Variants in ANKS4B observed in about 807,000 individuals in gnomAD.
ANKS4B encodes ankyrin repeat and sterile alpha motif domain containing 4B.
Under a neutral mutation model 20.2 loss-of-function variants are expected in ANKS4B, and 21 were observed. The ratio of observed to expected loss-of-function variants is 1.04; its 90% CI spans 0.74 to 1.50. The LOEUF is 1.50. Among genes scored for constraint, ANKS4B ranks in the 40% most tolerant of loss-of-function variants. ANKS4B has a pLI of 0.00. For synonymous variants in ANKS4B, 179 were observed against 194.5 expected, an observed-to-expected ratio of 0.92 and a Z score of 0.66; for missense variants, 473 against 494.6, an observed-to-expected ratio of 0.96 and a Z score of 0.41.
Position 21,250,024 on chromosome 16 carries a change from T to C in ANKS4B, c.458T>C (p.Leu153Pro), listed in dbSNP as rs202125429. 103 of 1,613,938 alleles carry C rather than the reference T, an allele frequency of 6.4e-5. No individual in the cohort carries two copies. Among genetic ancestry groups the C allele is most frequent in the Middle Eastern group, 3.3e-4 (2 of 6,084 alleles). The part of the protein sequence containing the change: ...ARRQIKECER[L>P]QEKHQNKMAH... The stretch of plus-strand genomic sequence containing the variant: ...AGGCAGATCAAAGAGTGTGAGAGGC[T>C]CCAGGAGAAGCACCAAAATAAGATG... Residue 153 changes from leucine (L) to proline (P), a missense_variant, in exon 2 of 2, where the codon CTC becomes CCC. Transcript: ENST00000311620.
At chr16:21,242,859 A>C (rs1001550812) in intron 1 of ANKS4B, among the ~76,000 whole-genome samples, 3 of 152,222 alleles carry the variant, frequency 2.0e-5, no homozygotes, top group Non-Finnish European at 4.4e-5. Flanking sequence ...AGAATTGTAG[A>C]TTCAAAAGAG....
At chr16:21,243,126 A>C (rs147270857) in intron 1 of ANKS4B, among the ~76,000 whole-genome samples, 1 of 152,360 alleles carries the variant, frequency 6.6e-6, no homozygotes, top group African/African-American at 2.4e-5. Context: ...ACAAAAAATC[A>C]ACTTCAGGAG....
chr16:21,247,973 GT>G (rs769256509), intron 1 of ANKS4B, among the ~76,000 whole-genome samples: 1 of 152,138 alleles, frequency 6.6e-6, no homozygotes, highest in Non-Finnish European at 1.5e-5. Context: ...AATGAATAAT[GT>G]TTGTAACAGA....
At chr16:21,242,875 C>T (rs2093328059) in intron 1 of ANKS4B, among the ~76,000 whole-genome samples, 1 of 152,188 alleles carries the variant, frequency 6.6e-6, no homozygotes, top group South Asian at 2.1e-4. Context: ...AAGAGTGCCT[C>T]ATTTTAAAGG....
intron 1 of ANKS4B, among the ~76,000 whole-genome samples, chr16:21,237,077 G>C (rs2093321050): frequency 6.6e-6 from 1 of 152,098 alleles, no homozygotes; most frequent in Non-Finnish European, 1.5e-5. Flanking sequence ...CTGGAGTGCA[G>C]TAGCGTGATC....
chr16:21,242,044 ATAAC>A (rs1269961110), intron 1 of ANKS4B, among the ~76,000 whole-genome samples: 1 of 152,182 alleles, frequency 6.6e-6, no homozygotes, highest in South Asian at 2.1e-4. Flanking sequence ...TAAAAAATAA[ATAAC>A]TAATTTTTAA....
At chr16:21,234,754 G>A (rs1367982749) in intron 1 of ANKS4B, among the ~76,000 whole-genome samples, 1 of 152,086 alleles carries the variant, frequency 6.6e-6, no homozygotes, top group East Asian at 1.9e-4. Flanking sequence ...GCTAGCCACT[G>A]GGCACACTGT....
intron 1 of ANKS4B, 52 bp downstream of exon 1, chr16:21,233,953 T>G (rs1567224143): frequency 6.5e-7 from 1 of 1,533,992 alleles, no homozygotes; most frequent in East Asian, 2.3e-5. Context: ...GGTAGGTTTT[T>G]GCAGACAGCA....
In ANKS4B at chr16:21,233,858, T is replaced by G; in HGVS notation, c.121T>G (p.Tyr41Asp). 6.2e-7 allele frequency: 1 copy of G among 1,613,676 alleles called. No homozygotes were observed. ...CATGACTCCTACTCTCTTGGCAGCC[T>G]ACCATGGGAACTTGGAAGCCCTAGA... ...DGMTPTLLAA[Y>D]HGNLEALEII... The change falls in exon 1 of 2, where the codon TAC becomes GAC. Residue 41 changes from tyrosine (Y) to aspartate (D), a missense_variant. By Grantham distance (160) the Tyr-to-Asp change is radical (BLOSUM62 -3). Coordinates refer to ENST00000311620, the MANE Select transcript of ANKS4B (RefSeq NM_145865.3).
intron 1 of ANKS4B, among the ~76,000 whole-genome samples, chr16:21,242,993 C>T (rs540944362): frequency 2.6e-5 from 4 of 152,136 alleles, no homozygotes; most frequent in African/African-American, 4.8e-5. Context: ...TCTTTTTAAT[C>T]GTTGCCTATC....
At position 21,250,983 on chromosome 16, in the gene ANKS4B, C is replaced by A; in HGVS notation, c.*163C>A. On this transcript the variant is annotated 3_prime_UTR_variant, in exon 2 of 2. Coordinates refer to ENST00000311620, the MANE Select transcript of ANKS4B (RefSeq NM_145865.3). ...CCCAAACTTTACTCTGGGAGGTAGGCTATGCCCATCCAAATAAATCTCCAT... is the reference window on the plus strand; with the variant it reads ...CCCAAACTTTACTCTGGGAGGTAGGATATGCCCATCCAAATAAATCTCCAT... 1 of 903,456 alleles carries A rather than the reference C, an allele frequency of 1.1e-6. No homozygotes were observed. The highest frequency in any genetic ancestry group is 1.6e-6 in the Non-Finnish European group (1 of 627,466). The allele number at this position is 903,456 out of a possible 1,614,324, so 56.0% of individuals were successfully genotyped here. A position where few individuals can be genotyped will look rare whatever the true frequency, so the allele number is the denominator to read the frequency against.
chr16:21,241,118 G>A (rs1315956460), intron 1 of ANKS4B, among the ~76,000 whole-genome samples: 1 of 152,128 alleles, frequency 6.6e-6, no homozygotes, highest in East Asian at 1.9e-4. Context: ...GATTTAGAGG[G>A]TACGTGTGCA....
At chr16:21,243,715 G>A (rs1597605481) in intron 1 of ANKS4B, among the ~76,000 whole-genome samples, 1 of 152,054 alleles carries the variant, frequency 6.6e-6, no homozygotes, top group Non-Finnish European at 1.5e-5. Context: ...GGGACTACAG[G>A]TACACACCAC....
intron 1 of ANKS4B, among the ~76,000 whole-genome samples, chr16:21,234,645 A>G (rs1415313870): frequency 6.6e-6 from 1 of 152,130 alleles, no homozygotes; most frequent in Non-Finnish European, 1.5e-5. Context: ...AGAGAAAAGG[A>G]CAAGGTAAAT....
chr16:21,238,075 CT>C (rs1182703838), intron 1 of ANKS4B, among the ~76,000 whole-genome samples: 1 of 152,146 alleles, frequency 6.6e-6, no homozygotes, highest in Non-Finnish European at 1.5e-5. Context: ...GCACAAATTG[CT>C]CCTGAATCCC....
At position 21,250,129 on chromosome 16, in the gene ANKS4B, C is replaced by A. The variant is rs769136648; in HGVS notation, c.563C>A (p.Ala188Asp). Residue 188 changes from alanine to aspartate, a missense_variant, in exon 2 of 2, where the codon GCT (alanine) becomes GAT (aspartate). Physicochemically the swap from Ala to Asp is moderately radical, Grantham distance 126. Transcript: ENST00000311620. ...TTCTCCAGATCATCCCCTTCAAATG[C>A]TTCTGCTCCTGGCACATTCGGGTCA... ...GTFSRSSPSN[A>D]SAPGTFGSLS... 6.2e-7 allele frequency: 1 copy of A among 1,614,208 alleles called. No homozygotes were observed. Among genetic ancestry groups the A allele is most frequent in the Non-Finnish European group, 8.5e-7 (1 of 1,180,048 alleles).
Position 21,248,121 on chromosome 16 carries a change from A to G in ANKS4B, c.165-1610A>G, listed in dbSNP as rs1256220471. 3.3e-5 allele frequency among the ~76,000 whole-genome samples: 5 copies of G among 152,124 alleles called. No individual in the cohort carries two copies. In the East Asian group the frequency reaches 9.6e-4, roughly 29 times the overall value. On this transcript the variant is annotated intron_variant, in intron 1 of 1. Transcript: ENST00000311620. ...AGTAGCATGCTGGAACCAGCTTGTC[A>G]GAGTTATTTCCAAATTTTAGAAAGT... is the stretch of plus-strand genomic sequence containing the variant.
chr16:21,233,959 C>G (rs2093316982), intron 1 of ANKS4B, 58 bp downstream of exon 1: 2 of 1,506,370 alleles, frequency 1.3e-6, no homozygotes, highest in Non-Finnish European at 1.8e-6. Flanking sequence ...TTTTTGCAGA[C>G]AGCAGCAAGA....
intron 1 of ANKS4B, chr16:21,238,838 C>T (rs879375560): frequency 6.6e-6 from 1 of 152,130 alleles, no homozygotes; most frequent in Non-Finnish European, 1.5e-5. Context: ...TTTTCCTAGT[C>T]CTTCCTTCTC....
Sources: allele counts gnomAD v4.1 joint callset (sites outside exome capture counted in the v4.1 genomes callset), GRCh38; gene constraint gnomAD v4.1.1; transcripts MANE v1.5; gene names NCBI Gene and HGNC (gene_info 2026-07-23, HGNC 2026-07-21).